Variants in PARN observed in about 807,000 individuals in gnomAD.
The protein encoded by PARN is poly(A)-specific ribonuclease, also known as poly(A)-specific ribonuclease PARN.
PARN carries 71 observed loss-of-function variants against 102.8 expected under a neutral mutation model. That is an observed-to-expected ratio of 0.69 (90% CI 0.57 to 0.84). The LOEUF (loss-of-function observed/expected upper bound fraction) is 0.84, where lower values mean the gene tolerates loss of function less well. PARN is among the 40% of genes least tolerant of loss of function. The pLI is 0.00. For missense variants in PARN, 782 were observed against 760.9 expected (o/e 1.03, Z -0.33); for synonymous variants, 261 against 252.9 (o/e 1.03, Z -0.30).
rs191108963 is a variant in PARN, at chr16:14,521,496, A to G, written c.1480+30525T>C. Among the ~76,000 whole-genome samples, 5 of 152,338 alleles carry G rather than the reference A, an allele frequency of 3.3e-5. No individual in the cohort carries two copies. The East Asian group carries it at 9.7e-4, about 29-fold the overall frequency. Reference sequence around the variant, plus strand: ...AACGCTTTTGCTTTCCATTTGGAATATTTGTTAAATATATGTAACGGGCCG... The same window carrying G: ...AACGCTTTTGCTTTCCATTTGGAATGTTTGTTAAATATATGTAACGGGCCG... On this transcript the variant is annotated intron_variant, in intron 21 of 23. Transcript: ENST00000437198.
chr16:14,482,944 G>C, intron 21 of PARN, 117 bp from the exon 22 acceptor site: 1 of 737,648 alleles, frequency 1.4e-6, no homozygotes, highest in Non-Finnish European at 2.1e-6. Context: ...CCTGAGGTCT[G>C]ACCCTTGGCT....
At chr16:14,519,628 C>G (rs1432485838) in intron 21 of PARN, among the ~76,000 whole-genome samples, 1 of 152,058 alleles carries the variant, frequency 6.6e-6, no homozygotes, top group Non-Finnish European at 1.5e-5. Context: ...ACTGGGAGAA[C>G]TGGAGCATTA....
chr16:14,488,568 G>C (rs888150523), intron 21 of PARN, among the ~76,000 whole-genome samples: 6 of 152,202 alleles, frequency 3.9e-5, no homozygotes, highest in Non-Finnish European at 8.8e-5. Flanking sequence ...CAAGGCATGA[G>C]AAGCACGGTC....
intron 21 of PARN, among the ~76,000 whole-genome samples, chr16:14,537,654 C>T (rs1966666381): frequency 1.3e-5 from 2 of 152,148 alleles, no homozygotes; most frequent in African/African-American, 4.8e-5. Context: ...GCCTAGAAGA[C>T]ATTAGCTTAA....
At chr16:14,501,551 A>AC in intron 21 of PARN, 1 of 151,688 alleles carries the variant, frequency 6.6e-6, no homozygotes, top group East Asian at 1.9e-4. Flanking sequence ...TTTATATCTT[A>AC]CCCCACCCTG....
intron 21 of PARN, 102 bp downstream of exon 21, chr16:14,551,919 G>T: frequency 1.5e-6 from 1 of 672,414 alleles, no homozygotes; most frequent in South Asian, 1.9e-5. Context: ...AGGCAGCAAT[G>T]AGTGTAAGCT....
intron 21 of PARN, among the ~76,000 whole-genome samples, chr16:14,539,827 C>T (rs1487348537): frequency 1.3e-5 from 2 of 152,090 alleles, no homozygotes; most frequent in Non-Finnish European, 2.9e-5. Context: ...TGGATTTAAC[C>T]GACTCAGATG....
chr16:14,530,261 G>A (rs1049101735), intron 21 of PARN, among the ~76,000 whole-genome samples: 30 of 152,240 alleles, frequency 2.0e-4, no homozygotes, highest in Non-Finnish European at 4.0e-4. Context: ...CTGTCCACAG[G>A]AATCCCAAGC....
At chr16:14,580,667 CT>C (rs78940243) in intron 18 of PARN, among the ~76,000 whole-genome samples, 131 of 144,678 alleles carry the variant, frequency 9.1e-4, no homozygotes, top group Admixed American at 9.7e-4. Flanking sequence ...GCAATGTTTT[CT>C]TTTTTTTTTT....
intron 21 of PARN, among the ~76,000 whole-genome samples, chr16:14,487,926 T>C (rs1963811533): frequency 6.6e-6 from 1 of 152,192 alleles, no homozygotes; most frequent in South Asian, 2.1e-4. Flanking sequence ...ACCTGAAAGA[T>C]GAATTCTAAA....
intron 3 of PARN, 120 bp from the exon 4 acceptor site, chr16:14,627,456 T>C: frequency 1.5e-6 from 1 of 678,520 alleles, no homozygotes; most frequent in East Asian, 2.7e-5. Context: ...ATACTTCCAA[T>C]TAGAACAGAT....
At chr16:14,626,791 G>A (rs949479126) in intron 5 of PARN, among the ~76,000 whole-genome samples, 2 of 149,956 alleles carry the variant, frequency 1.3e-5, no homozygotes, top group Admixed American at 6.7e-5. Flanking sequence ...TTTTTTTTTT[G>A]TATTTTTAGT....
intron 21 of PARN, among the ~76,000 whole-genome samples, chr16:14,527,130 C>T (rs1966051740): frequency 6.6e-6 from 1 of 152,220 alleles, no homozygotes. Flanking sequence ...AATGGAGTCA[C>T]TCTTAAAGTT....
intron 7 of PARN, among the ~76,000 whole-genome samples, chr16:14,610,045 T>C (rs966713141): frequency 1.3e-5 from 2 of 152,018 alleles, no homozygotes; most frequent in East Asian, 3.9e-4. Flanking sequence ...GATCCGTCTC[T>C]ATTAAAAAAA....
At chr16:14,617,185 C>T (rs559821873) in intron 6 of PARN, among the ~76,000 whole-genome samples, 1 of 151,090 alleles carries the variant, frequency 6.6e-6, no homozygotes, top group East Asian at 1.9e-4. Context: ...GAGATCGAGA[C>T]CATCCTGGCT....
Position 14,439,393 on chromosome 16 carries a change from TAGAG to T in PARN, c.1865-2625_1865-2622del, listed in dbSNP as rs1249035898. Among the ~76,000 whole-genome samples, 203 of 28,960 alleles carry T rather than the reference TAGAG, an allele frequency of 7.0e-3. 3 individuals carry two copies. The highest frequency in any genetic ancestry group is 0.014 in the African/African-American group (106 of 7,356). The allele number at this position is 28,960 out of a possible 152,430, so 19.0% of individuals were successfully genotyped here. On this transcript the variant is annotated intron_variant, in intron 23 of 23. Coordinates refer to ENST00000437198, the MANE Select transcript of PARN (RefSeq NM_002582.4). ...TGTCGCACAAAAAAAAAAAAAAAAA[TAGAG>T]GGAGGGAGGGAAGGAAAGAAGACAG...
At chr16:14,546,166 G>A (rs1446181407) in intron 21 of PARN, among the ~76,000 whole-genome samples, 1 of 152,172 alleles carries the variant, frequency 6.6e-6, no homozygotes, top group African/African-American at 2.4e-5. Flanking sequence ...ATAATAAAAA[G>A]CACAGGTAAA....
chr16:14,589,094 C>T (rs148652506), intron 13 of PARN, among the ~76,000 whole-genome samples: 320 of 151,746 alleles, frequency 2.1e-3, no homozygotes, highest in African/African-American at 7.0e-3. Context: ...GCAGGAGAAT[C>T]GCTTGGATCC....
At chr16:14,439,539 T>C (rs1242711402) in intron 23 of PARN, among the ~76,000 whole-genome samples, 1 of 152,172 alleles carries the variant, frequency 6.6e-6, no homozygotes, top group African/African-American at 2.4e-5. Context: ...AATTGTACAT[T>C]TTAATTGTAA....
Sources: gnomAD v4.1 joint callset for allele counts (sites outside exome capture counted in the v4.1 genomes callset) on GRCh38, gnomAD v4.1.1 for gene constraint, MANE v1.5 for transcripts, NCBI Gene and HGNC (gene_info 2026-07-23, HGNC 2026-07-21) for gene names.